UBR2: variants seen among roughly 807,000 people sequenced by gnomAD.
UBR2 encodes E3 ubiquitin-protein ligase UBR2.
A neutral mutation model predicts 247.9 loss-of-function variants in UBR2; 92 were observed. The observed-to-expected ratio is 0.37, with a 90% CI of 0.31 to 0.44. UBR2 has a LOEUF of 0.44. UBR2 is among the 20% of genes least tolerant of loss of function. The pLI, the probability that UBR2 is intolerant of heterozygous loss-of-function variation, is 1.00. For missense variants in UBR2, 1,613 were observed against 2,112.6 expected, an observed-to-expected ratio of 0.76 and a Z score of 4.64; for synonymous variants, 672 against 693.5, an observed-to-expected ratio of 0.97 and a Z score of 0.49.
chr6:42,644,020 C>G (rs1796595678), intron 18 of UBR2, among the ~76,000 whole-genome samples, 194 bp from the exon 19 acceptor site: 1 of 151,984 alleles, frequency 6.6e-6, no homozygotes, highest in African/African-American at 2.4e-5. Context: ...GATTCCTTTC[C>G]ACACTTGCCT....
At chr6:42,683,797 T>G (rs1256409972) in intron 43 of UBR2, among the ~76,000 whole-genome samples, 1 of 152,226 alleles carries the variant, frequency 6.6e-6, no homozygotes, top group Admixed American at 6.5e-5. Flanking sequence ...TGTTATCTGG[T>G]AGAGTATGCT....
intron 11 of UBR2, among the ~76,000 whole-genome samples, chr6:42,624,601 C>T (rs1472978696): frequency 1.3e-5 from 2 of 152,070 alleles, no homozygotes; most frequent in Admixed American, 6.6e-5. Flanking sequence ...TCAAAATCTC[C>T]CCCTGAAGGC....
intron 36 of UBR2, among the ~76,000 whole-genome samples, chr6:42,671,577 T>G (rs1447847139): frequency 6.6e-6 from 1 of 152,246 alleles, no homozygotes; most frequent in African/African-American, 2.4e-5. Flanking sequence ...CTGATTATCA[T>G]TTTGCGTGGG....
chr6:42,683,534 T>G (rs1294346812), intron 43 of UBR2, among the ~76,000 whole-genome samples: 1 of 152,212 alleles, frequency 6.6e-6, no homozygotes, highest in African/African-American at 2.4e-5. Flanking sequence ...TTATTTTTTC[T>G]TCATTTCTTT....
chr6:42,652,380 A>C, intron 24 of UBR2, 111 bp from the exon 25 acceptor site: 1 of 1,247,858 alleles, frequency 8.0e-7, no homozygotes, highest in South Asian at 1.5e-5. Flanking sequence ...TAATAGCTTT[A>C]AGGTGTGTGT....
At chr6:42,576,080 T>C (rs533427753) in intron 2 of UBR2, among the ~76,000 whole-genome samples, 3 of 152,234 alleles carry the variant, frequency 2.0e-5, no homozygotes, top group African/African-American at 7.2e-5. Flanking sequence ...CAGGCAATCT[T>C]GAGCTTTCTC....
At chr6:42,683,597 G>T (rs1333192802) in intron 43 of UBR2, among the ~76,000 whole-genome samples, 3 of 152,094 alleles carry the variant, frequency 2.0e-5, no homozygotes, top group African/African-American at 7.2e-5. Flanking sequence ...ATCCTAACAA[G>T]ATGTGTCTCA....
At chr6:42,632,935 C>A (rs746010694) in intron 13 of UBR2, 31 bp downstream of exon 13, 77 of 1,101,132 alleles carry the variant, frequency 7.0e-5, no homozygotes, top group Non-Finnish European at 8.6e-5. Flanking sequence ...TTTTCTTTTT[C>A]CTTTTTTTTT....
intron 9 of UBR2, 103 bp downstream of exon 9, chr6:42,615,281 G>A: frequency 1.2e-6 from 1 of 840,332 alleles, no homozygotes; most frequent in Non-Finnish European, 1.7e-6. Context: ...ATATATTTGT[G>A]CTTCTTAAAA....
chr6:42,673,402 A>G (rs1007925464), intron 36 of UBR2, among the ~76,000 whole-genome samples: 1 of 152,014 alleles, frequency 6.6e-6, no homozygotes, highest in Non-Finnish European at 1.5e-5. Context: ...GCTCACTGCA[A>G]CCTCTGCCTC....
At chr6:42,642,348 G>C in intron 17 of UBR2, 68 bp from the exon 18 acceptor site, 2 of 1,094,686 alleles carry the variant, frequency 1.8e-6, no homozygotes, top group Non-Finnish European at 2.7e-6. Context: ...TTGTGCTTTT[G>C]GGGAAGGATT....
chr6:42,582,669 A>G (rs1235108108), intron 2 of UBR2, among the ~76,000 whole-genome samples: 1 of 152,130 alleles, frequency 6.6e-6, no homozygotes, highest in Non-Finnish European at 1.5e-5. Context: ...ATACAGTATG[A>G]AATATTTCTT....
At chr6:42,678,725 A>G in intron 41 of UBR2, 56 bp downstream of exon 41, 3 of 1,546,496 alleles carry the variant, frequency 1.9e-6, no homozygotes, top group Non-Finnish European at 2.6e-6. Flanking sequence ...TTACTCCAGC[A>G]AATATAAAGA....
At chr6:42,639,897 G>A (rs182764846) in intron 15 of UBR2, among the ~76,000 whole-genome samples, 3 of 152,048 alleles carry the variant, frequency 2.0e-5, no homozygotes, top group Admixed American at 6.5e-5. Context: ...GTGTGGTGGC[G>A]GGTGCCTGTG....
intron 2 of UBR2, among the ~76,000 whole-genome samples, chr6:42,587,319 A>G (rs772313710): frequency 2.0e-4 from 30 of 152,110 alleles, no homozygotes; most frequent in South Asian, 4.2e-4. Flanking sequence ...TAGAAAATAT[A>G]TTTGCAGTCT....
chr6:42,644,648 AGGGG>A, intron 20 of UBR2, 112 bp downstream of exon 20: 1 of 812,538 alleles, frequency 1.2e-6, no homozygotes, highest in Middle Eastern at 3.7e-4. Flanking sequence ...GCTCAGTCTT[AGGGG>A]AAGAGAATTG....
chr6:42,658,541 A>G (rs1160571097), intron 28 of UBR2, 105 bp from the exon 29 acceptor site: 2 of 1,218,944 alleles, frequency 1.6e-6, no homozygotes, highest in African/African-American at 1.7e-5. Flanking sequence ...AAGTGAGATT[A>G]TAGAATAGTT....
Position 42,666,153 on chromosome 6 carries a change from G to C in UBR2, c.3803-14G>C, listed in dbSNP as rs778742196. On this transcript the variant is annotated splice_polypyrimidine_tract_variant and intron_variant, in intron 33 of 46. Transcript: ENST00000372901. ...CATCTATTGAATAATAGTATAAAAT[G>C]CCTGTTTCTATAGATAATGCCTCTA... The C allele has an allele frequency of 4.4e-6, 7 of 1,599,792 alleles. No individual in the cohort carries two copies. In the South Asian group the frequency reaches 7.9e-5, roughly 18 times the overall value.
At chr6:42,679,517 T>C (rs763403247) in intron 41 of UBR2, among the ~76,000 whole-genome samples, 1 of 152,274 alleles carries the variant, frequency 6.6e-6, no homozygotes, top group African/African-American at 2.4e-5. Flanking sequence ...ACCAGTTTGA[T>C]GTAGGAGTCG....
Sources: allele counts gnomAD v4.1 joint callset (sites outside exome capture counted in the v4.1 genomes callset), GRCh38; gene constraint gnomAD v4.1.1; transcripts MANE v1.5; gene names NCBI Gene and HGNC (gene_info 2026-07-23, HGNC 2026-07-21).